The following PTPN4 variants were observed in gnomAD, a reference collection of about 807,000 sequenced individuals.
PTPN4 encodes the protein protein tyrosine phosphatase non-receptor type 4, also known as tyrosine-protein phosphatase non-receptor type 4.
Under a neutral mutation model 135.5 loss-of-function variants are expected in PTPN4, and 49 were observed. That is an observed-to-expected ratio of 0.36 (90% CI 0.29 to 0.46). The LOEUF (loss-of-function observed/expected upper bound fraction) is 0.46. Ranked by LOEUF, PTPN4 falls within the 20% of genes least tolerant of loss-of-function variation. The pLI, the probability that PTPN4 is intolerant of heterozygous loss-of-function variation, is 1.00. For synonymous variants in PTPN4, 333 were observed against 369.9 expected, an observed-to-expected ratio of 0.90 and a Z score of 1.14; for missense variants, 860 against 1,101.0, an observed-to-expected ratio of 0.78 and a Z score of 3.10.
chr2:119,879,296 A>G (rs1678034625), intron 5 of PTPN4, among the ~76,000 whole-genome samples: 1 of 152,198 alleles, frequency 6.6e-6, no homozygotes, highest in African/African-American at 2.4e-5. Flanking sequence ...GGAAATAAAT[A>G]TGTTTCACTA....
At position 119,932,375 on chromosome 2, in the gene PTPN4, G is replaced by A. The variant is rs1157754341; in HGVS notation, c.1071-49G>A. ...AATTGTAGGATTTGATTCATGGTTTGGGGTATAAAAATAAAACTTTTAACA... is the reference window on the plus strand; with the variant it reads ...AATTGTAGGATTTGATTCATGGTTTAGGGTATAAAAATAAAACTTTTAACA... On this transcript the variant is annotated intron_variant, in intron 13 of 26. Transcript: ENST00000263708. 5.4e-6 allele frequency: 8 copies of A among 1,468,268 alleles called. No individual in the cohort carries two copies. In the African/African-American group the frequency reaches 7.1e-5, roughly 13 times the overall value. The allele number at this position is 1,468,268 out of a possible 1,614,324, so 91.0% of individuals were successfully genotyped here.
chr2:119,931,654 G>A (rs1678908989), intron 13 of PTPN4, among the ~76,000 whole-genome samples: 1 of 151,686 alleles, frequency 6.6e-6, no homozygotes, highest in African/African-American at 2.4e-5. Context: ...TGCCCAAGCT[G>A]GTCTTGAATT....
intron 2 of PTPN4, among the ~76,000 whole-genome samples, chr2:119,818,736 C>T (rs377364057): frequency 1.3e-5 from 2 of 152,178 alleles, no homozygotes; most frequent in East Asian, 1.9e-4. Flanking sequence ...TTATGGCAGG[C>T]AGTTAAATAG....
chr2:119,944,354 T>A (rs1351863495), intron 15 of PTPN4, among the ~76,000 whole-genome samples: 1 of 152,246 alleles, frequency 6.6e-6, no homozygotes, highest in East Asian at 1.9e-4. Flanking sequence ...CACAAGTTTC[T>A]ACTTTTGGCC....
intron 1 of PTPN4, among the ~76,000 whole-genome samples, chr2:119,780,503 C>T (rs998383676): frequency 1.3e-5 from 2 of 152,172 alleles, no homozygotes; most frequent in Non-Finnish European, 2.9e-5. Context: ...AAATCTACAA[C>T]GCTCCCCCAT....
intron 5 of PTPN4, among the ~76,000 whole-genome samples, chr2:119,881,457 A>G (rs1389827911): frequency 1.3e-5 from 2 of 152,098 alleles, no homozygotes; most frequent in Admixed American, 6.5e-5. Flanking sequence ...CAGGTTTTCT[A>G]TGCTTCCCAC....
chr2:119,803,942 C>T lies in PTPN4; in HGVS notation c.-17-5895C>T, dbSNP rs1212600033. 3.3e-5 allele frequency among the ~76,000 whole-genome samples: 5 copies of T among 151,986 alleles called. No individual in the cohort carries two copies. The East Asian group carries it at 9.7e-4, about 29-fold the overall frequency. On this transcript the variant is annotated intron_variant, in intron 1 of 26. Coordinates refer to ENST00000263708, the MANE Select transcript of PTPN4 (RefSeq NM_002830.4). Reference sequence around the variant, plus strand: ...TTATTTGTTCCCAAGTCTACTTTATCTGATACTAATATAGGTACTCTTCTT... The same window carrying T: ...TTATTTGTTCCCAAGTCTACTTTATTTGATACTAATATAGGTACTCTTCTT...
intron 1 of PTPN4, among the ~76,000 whole-genome samples, chr2:119,782,731 G>A (rs1259705834): frequency 2.8e-5 from 3 of 107,240 alleles, no homozygotes; most frequent in African/African-American, 3.8e-5. Flanking sequence ...TTTTTGAGAC[G>A]ACCTCACTCT....
chr2:119,839,411 C>A (rs1247725389), intron 2 of PTPN4, among the ~76,000 whole-genome samples: 1 of 152,200 alleles, frequency 6.6e-6, no homozygotes, highest in Non-Finnish European at 1.5e-5. Flanking sequence ...TTTCCAGAAT[C>A]TTCTGAAGTG....
intron 1 of PTPN4, among the ~76,000 whole-genome samples, chr2:119,781,572 A>G (rs1282487954): frequency 2.6e-5 from 4 of 152,236 alleles, no homozygotes; most frequent in African/African-American, 7.2e-5. Flanking sequence ...TCTTCAGTGT[A>G]TTCTGCTGTG....
At chr2:119,806,013 C>T (rs910310533) in intron 1 of PTPN4, among the ~76,000 whole-genome samples, 8 of 152,040 alleles carry the variant, frequency 5.3e-5, no homozygotes, top group African/African-American at 1.9e-4. Context: ...AAATTCTTTA[C>T]AGACAAGCAA....
At chr2:119,831,932 G>C (rs565782137) in intron 2 of PTPN4, among the ~76,000 whole-genome samples, 2 of 152,086 alleles carry the variant, frequency 1.3e-5, no homozygotes, top group African/African-American at 4.8e-5. Flanking sequence ...TTCTGACTAC[G>C]TCATAGTAAG....
At chr2:119,845,436 CTTGAG>C (rs1558743102) in intron 2 of PTPN4, among the ~76,000 whole-genome samples, 3 of 152,136 alleles carry the variant, frequency 2.0e-5, no homozygotes, top group South Asian at 4.1e-4. Context: ...TTTATTTCTT[CTTGAG>C]TTAATACGTG....
At chr2:119,924,686 T>C (rs1678793952) in intron 12 of PTPN4, among the ~76,000 whole-genome samples, 1 of 151,464 alleles carries the variant, frequency 6.6e-6, no homozygotes, top group South Asian at 2.1e-4. Context: ...ATGGACAATA[T>C]GAAATATAAG....
At chr2:119,761,402 C>G (rs1381435072) in intron 1 of PTPN4, among the ~76,000 whole-genome samples, 1 of 152,088 alleles carries the variant, frequency 6.6e-6, no homozygotes, top group Admixed American at 6.6e-5. Flanking sequence ...AAGGATTGTT[C>G]AGAGCCTAAA....
intron 2 of PTPN4, among the ~76,000 whole-genome samples, chr2:119,813,700 C>A (rs911079792): frequency 6.6e-6 from 1 of 152,176 alleles, no homozygotes; most frequent in Non-Finnish European, 1.5e-5. Context: ...AGGAAATAGA[C>A]TGCATCTTGA....
chr2:119,771,956 A>G (rs929959599), intron 1 of PTPN4, among the ~76,000 whole-genome samples: 1 of 152,256 alleles, frequency 6.6e-6, no homozygotes, highest in African/African-American at 2.4e-5. Context: ...TTCTTTTGTT[A>G]TCTCTCCATC....
At chr2:119,790,537 G>T (rs1574335301) in intron 1 of PTPN4, among the ~76,000 whole-genome samples, 1 of 151,344 alleles carries the variant, frequency 6.6e-6, no homozygotes, top group Non-Finnish European at 1.5e-5. Context: ...CTTTTTTGGG[G>T]TATATATTTA....
At chr2:119,919,823 CAA>C (rs768606079) in intron 11 of PTPN4, among the ~76,000 whole-genome samples, 65 of 64,764 alleles carry the variant, frequency 1.0e-3, no homozygotes, top group Middle Eastern at 0.016. Flanking sequence ...GACTGTGTCT[CAA>C]AAAAAAAAAA....
Sources: allele counts gnomAD v4.1 joint callset (sites outside exome capture counted in the v4.1 genomes callset), GRCh38; gene constraint gnomAD v4.1.1; transcripts MANE v1.5; gene names NCBI Gene and HGNC (gene_info 2026-07-23, HGNC 2026-07-21).